The following PEAK1 variants were observed in gnomAD, a reference collection of about 807,000 sequenced individuals.
The protein encoded by PEAK1 is pseudopodium enriched atypical kinase 1.
A neutral mutation model predicts 124.7 loss-of-function variants in PEAK1; 54 were observed. The observed-to-expected ratio is 0.43, with a 90% confidence interval of 0.35 to 0.54. PEAK1 has a LOEUF of 0.54. Ranked by LOEUF, PEAK1 falls within the 20% of genes least tolerant of loss-of-function variation. PEAK1 has a pLI of 0.01. For synonymous variants in PEAK1, 719 were observed against 760.0 expected (o/e 0.95, Z 0.89); for missense variants, 2,046 against 2,134.5 (o/e 0.96, Z 0.82).
At chr15:77,411,411 G>A (rs563865059) in intron 1 of PEAK1, among the ~76,000 whole-genome samples, 1 of 152,168 alleles carries the variant, frequency 6.6e-6, no homozygotes, top group Admixed American at 6.5e-5. Context: ...TGGAAAGGAA[G>A]TAAGAACAGA....
chr15:77,305,843 GTATTTTTATTTGTGT>G (rs1271694829), intron 2 of PEAK1, among the ~76,000 whole-genome samples: 4 of 152,044 alleles, frequency 2.6e-5, no homozygotes, highest in South Asian at 2.1e-4. Flanking sequence ...TTGTGATACT[GTATTTTTATTTGTGT>G]TATTTTTATT....
chr15:77,264,786 C>G (rs1207539599), intron 5 of PEAK1, among the ~76,000 whole-genome samples: 1 of 152,042 alleles, frequency 6.6e-6, no homozygotes, highest in Non-Finnish European at 1.5e-5. Context: ...AAAAAGAGCC[C>G]GCATCGCCAA....
At chr15:77,145,434 G>C (rs1485971884) in intron 8 of PEAK1, among the ~76,000 whole-genome samples, 1 of 149,272 alleles carries the variant, frequency 6.7e-6, no homozygotes, top group Non-Finnish European at 1.5e-5. Context: ...GGGCTACAGA[G>C]TGAGATTCCA....
At chr15:77,361,514 C>G (rs1361521336) in intron 2 of PEAK1, among the ~76,000 whole-genome samples, 3 of 152,010 alleles carry the variant, frequency 2.0e-5, no homozygotes, top group Non-Finnish European at 4.4e-5. Flanking sequence ...AAATAAAAAC[C>G]ACATTGAGGT....
At chr15:77,286,548 A>T in intron 2 of PEAK1, 44 bp from the exon 3 acceptor site, 1 of 960,756 alleles carries the variant, frequency 1.0e-6, no homozygotes. Context: ...AATAAAGGGC[A>T]TTTGAATCAC....
At chr15:77,216,826 C>T (rs557474692) in intron 6 of PEAK1, among the ~76,000 whole-genome samples, 1 of 152,080 alleles carries the variant, frequency 6.6e-6, no homozygotes, top group African/African-American at 2.4e-5. Context: ...AGATCAGCTG[C>T]GGACAAGAGC....
At chr15:77,159,398 TG>T (rs1387063419) in intron 7 of PEAK1, among the ~76,000 whole-genome samples, 4 of 152,214 alleles carry the variant, frequency 2.6e-5, no homozygotes, top group Non-Finnish European at 5.9e-5. Context: ...TGACCAATCT[TG>T]TTTTACCATT....
chr15:77,370,748 C>T (rs914644320), intron 1 of PEAK1: 6 of 984,898 alleles, frequency 6.1e-6, no homozygotes, highest in East Asian at 1.1e-4. Flanking sequence ...TCCAACACAT[C>T]GAGCCAGGCA....
chr15:77,114,093 G>T lies in PEAK1; in HGVS notation c.*63C>A. 2 of 1,513,558 alleles carry T rather than the reference G, an allele frequency of 1.3e-6. No individual in the cohort carries two copies. The highest frequency in any genetic ancestry group is 2.4e-5 in the South Asian group (2 of 82,688). The allele number at this position is 1,513,558 out of a possible 1,614,324, so 93.8% of individuals were successfully genotyped here. A position where few individuals can be genotyped will look rare whatever the true frequency, so the allele number is the denominator to read the frequency against. On this transcript the variant is annotated 3_prime_UTR_variant, in exon 10 of 10. Transcript: ENST00000682557. ...TTGAATTTGGAGTGAGCACTAGGGA[G>T]GGGAAGTGCATGGGTGACATGAAGA...
intron 9 of PEAK1, among the ~76,000 whole-genome samples, chr15:77,117,155 G>C (rs909797663): frequency 2.6e-5 from 4 of 152,180 alleles, no homozygotes; most frequent in African/African-American, 9.7e-5. Flanking sequence ...TGGAATGAAA[G>C]CTCAAGGGTC....
At chr15:77,212,547 C>T (rs1356417671) in intron 6 of PEAK1, among the ~76,000 whole-genome samples, 2 of 152,144 alleles carry the variant, frequency 1.3e-5, no homozygotes, top group African/African-American at 4.8e-5. Context: ...CTCCTCTGGA[C>T]TCAACAAGAC....
chr15:77,328,763 T>A (rs2065726078), intron 2 of PEAK1, among the ~76,000 whole-genome samples: 1 of 152,112 alleles, frequency 6.6e-6, no homozygotes, highest in Non-Finnish European at 1.5e-5. Flanking sequence ...TCAAAAAACA[T>A]AAGCATTATA....
chr15:77,325,963 A>T (rs1428388413), intron 2 of PEAK1, among the ~76,000 whole-genome samples: 1 of 152,152 alleles, frequency 6.6e-6, no homozygotes, highest in Non-Finnish European at 1.5e-5. Context: ...GAGAACTAGT[A>T]CAAATTTAAA....
At chr15:77,321,579 G>T (rs1273109937) in intron 2 of PEAK1, among the ~76,000 whole-genome samples, 1 of 152,146 alleles carries the variant, frequency 6.6e-6, no homozygotes, top group Admixed American at 6.5e-5. Context: ...TGAGTAGATT[G>T]CAAAAATTTT....
chr15:77,249,510 T>C (rs1365639564), intron 6 of PEAK1, among the ~76,000 whole-genome samples: 4 of 152,228 alleles, frequency 2.6e-5, no homozygotes, highest in Non-Finnish European at 1.5e-5. Context: ...AATCTGATTC[T>C]ATTCTCTCTT....
intron 1 of PEAK1, among the ~76,000 whole-genome samples, chr15:77,400,397 A>G (rs114514151): frequency 0.022 from 3,328 of 152,230 alleles, 121 homozygotes; most frequent in African/African-American, 0.075. Context: ...AATAGCTAAG[A>G]TTTGGAAGCA....
Position 77,248,816 on chromosome 15 carries a change from A to C in PEAK1, c.-115+3551T>G, listed in dbSNP as rs536528401. ...TTACTACTATATTTTATTTTATTTT[A>C]TTTTATTTTAATGTTAAGTTATTTT... On this transcript the variant is annotated intron_variant, in intron 6 of 9. Transcript: ENST00000682557. 1.8e-4 allele frequency among the ~76,000 whole-genome samples: 27 copies of C among 152,014 alleles called. No individual in the cohort carries two copies. The East Asian group carries it at 3.1e-3, about 17-fold the overall frequency.
At chr15:77,127,079 G>A (rs533726517) in intron 9 of PEAK1, among the ~76,000 whole-genome samples, 1 of 152,284 alleles carries the variant, frequency 6.6e-6, no homozygotes, top group East Asian at 1.9e-4. Context: ...GCCATGATGT[G>A]ACAGGATTAG....
rs1371332013 is a variant in PEAK1, at chr15:77,250,188, T to TATAC, written c.-115+2175_-115+2178dup. Among the ~76,000 whole-genome samples the TATAC allele has an allele frequency of 1.3e-3, 144 of 112,726 alleles. 1 individual carries two copies. The highest frequency in any genetic ancestry group is 3.4e-3 in the South Asian group (13 of 3,774). 74.0% of individuals were successfully genotyped at this position (112,726 alleles called of 152,430 possible). A position where few individuals can be genotyped will look rare whatever the true frequency, so the allele number is the denominator to read the frequency against. On this transcript the variant is annotated intron_variant, in intron 6 of 9. Transcript: ENST00000682557. Reference sequence around the variant, plus strand: ...ATACATATATATGTATATGTATATATATACATATATATACATATATATGTA... The same window carrying TATAC: ...ATACATATATATGTATATGTATATATATACATACATATATATACATATATATGTA...
Sources: allele counts gnomAD v4.1 joint callset (sites outside exome capture counted in the v4.1 genomes callset), GRCh38; gene constraint gnomAD v4.1.1; transcripts MANE v1.5; gene names NCBI Gene and HGNC (gene_info 2026-07-23, HGNC 2026-07-21).